ZZEF1: variants seen among roughly 807,000 people sequenced by gnomAD.
The protein encoded by ZZEF1 is zinc finger ZZ-type and EF-hand domain-containing protein 1.
A neutral mutation model predicts 342.8 loss-of-function variants in ZZEF1; 157 were observed. The ratio of observed to expected loss-of-function variants is 0.46; its 90% confidence interval spans 0.40 to 0.52. ZZEF1 has a LOEUF of 0.52. Ranked by LOEUF, ZZEF1 falls within the 20% of genes least tolerant of loss-of-function variation. The pLI, the probability that ZZEF1 is intolerant of heterozygous loss-of-function variation, is 0.00. For missense variants in ZZEF1, 3,480 were observed against 3,725.6 expected (o/e 0.93, Z 1.72); for synonymous variants, 1,505 against 1,429.1 (o/e 1.05, Z -1.20).
At chr17:4,019,881 T>C in intron 45 of ZZEF1, 112 bp from the exon 46 acceptor site, 1 of 741,196 alleles carries the variant, frequency 1.3e-6, no homozygotes, top group East Asian at 2.9e-5. Context: ...CCACAGGTTA[T>C]AATTGAGGAA....
chr17:4,060,087 C>T (rs1004826572), intron 30 of ZZEF1, among the ~76,000 whole-genome samples: 5 of 152,260 alleles, frequency 3.3e-5, no homozygotes, highest in Non-Finnish European at 7.3e-5. Context: ...GTGTCCCTTC[C>T]TTCCTCCATG....
At position 4,044,219 on chromosome 17, in the gene ZZEF1, T is replaced by C. The variant is rs1467000212; in HGVS notation, c.6166+5A>G. On this transcript the variant is annotated splice_donor_5th_base_variant and intron_variant, in intron 38 of 54. Coordinates refer to ENST00000381638, the MANE Select transcript of ZZEF1 (RefSeq NM_015113.4). ...AGATGAAGATAATGGTCAAATAGTC[T>C]TTACCTGGAAGTCCTGTAGGTGGGC... 1 of 1,613,344 alleles carries C rather than the reference T, an allele frequency of 6.2e-7. No homozygotes were observed. The highest frequency in any genetic ancestry group is 8.5e-7 in the Non-Finnish European group (1 of 1,179,726).
intron 24 of ZZEF1, among the ~76,000 whole-genome samples, chr17:4,073,359 T>C (rs1474997763): frequency 1.3e-5 from 2 of 152,222 alleles, no homozygotes; most frequent in African/African-American, 4.8e-5. Context: ...AGAAATAAAA[T>C]ACAGTAGAAA....
At chr17:4,029,253 C>T in intron 42 of ZZEF1, among the ~76,000 whole-genome samples, 1 of 151,990 alleles carries the variant, frequency 6.6e-6, no homozygotes, top group East Asian at 1.9e-4. Context: ...TAGGACTGAA[C>T]TAATTAAAAA....
intron 39 of ZZEF1, among the ~76,000 whole-genome samples, chr17:4,034,995 T>A (rs893887839): frequency 1.3e-5 from 2 of 152,194 alleles, no homozygotes; most frequent in Non-Finnish European, 2.9e-5. Context: ...TGAGACTCCG[T>A]CTCAAAAAAC....
intron 18 of ZZEF1, among the ~76,000 whole-genome samples, chr17:4,078,598 G>A (rs1331927879): frequency 6.6e-6 from 1 of 152,222 alleles, no homozygotes; most frequent in African/African-American, 2.4e-5. Context: ...TCGGGATGAT[G>A]GTTACGCCTG....
In ZZEF1 at chr17:4,084,048, A is replaced by G. The variant is rs116739130; in HGVS notation, c.2647-1544T>C. Among the ~76,000 whole-genome samples, 903 of 152,326 alleles carry G rather than the reference A, an allele frequency of 5.9e-3. 10 individuals carry two copies. The highest frequency in any genetic ancestry group is 0.02 in the African/African-American group (838 of 41,572). On this transcript the variant is annotated intron_variant, in intron 16 of 54. Coordinates refer to ENST00000381638, the MANE Select transcript of ZZEF1 (RefSeq NM_015113.4). Reference sequence around the variant, plus strand: ...TTAACACTTCTTTCCCTTGTCCTACAGCACTAGCTAGGCCCTCCAATGCAA... The same window carrying G: ...TTAACACTTCTTTCCCTTGTCCTACGGCACTAGCTAGGCCCTCCAATGCAA...
chr17:4,086,798 A>C, intron 14 of ZZEF1, 143 bp from the exon 15 acceptor site: 2 of 735,826 alleles, frequency 2.7e-6, no homozygotes, highest in Non-Finnish European at 4.4e-6. Flanking sequence ...GAGAGGAAGA[A>C]GGGTGGACCA....
intron 1 of ZZEF1, among the ~76,000 whole-genome samples, chr17:4,130,092 C>T (rs2058639605): frequency 6.6e-6 from 1 of 152,114 alleles, no homozygotes; most frequent in South Asian, 2.1e-4. Flanking sequence ...GTACAACCAA[C>T]CCCCATGAGA....
intron 26 of ZZEF1, among the ~76,000 whole-genome samples, chr17:4,068,130 A>C (rs528101770): frequency 1.2e-3 from 187 of 152,322 alleles, no homozygotes; most frequent in African/African-American, 4.4e-3. Flanking sequence ...ATATATACAA[A>C]TATACATACA....
chr17:4,075,700 C>G (rs2057598683), intron 21 of ZZEF1, among the ~76,000 whole-genome samples: 1 of 152,182 alleles, frequency 6.6e-6, no homozygotes, highest in African/African-American at 2.4e-5. Context: ...ACTTACAAAT[C>G]ATTACCAGTG....
At position 4,056,316 on chromosome 17, in the gene ZZEF1, T is replaced by C; in HGVS notation, c.5195A>G (p.Asp1732Gly). The C allele has an allele frequency of 1.2e-6, 2 of 1,600,012 alleles. No homozygotes were observed. Among genetic ancestry groups the C allele is most frequent in the East Asian group, 2.3e-5 (1 of 44,440 alleles). The change falls in exon 33 of 55, where the codon GAT becomes GGT. Residue 1732 changes from aspartate to glycine, a missense_variant. Transcript: ENST00000381638. ...SQWSEEDELA[D>G]AKQNSEWMDE... is the part of the protein sequence containing the mutation. Reference sequence around the variant, plus strand: ...CATCCATTCTGAATTCTGCTTGGCATCAGCAAGCTCATCTTCTTCACTCCA... The same window carrying C: ...CATCCATTCTGAATTCTGCTTGGCACCAGCAAGCTCATCTTCTTCACTCCA...
At chr17:4,092,076 C>CA (rs764233105) in intron 11 of ZZEF1, among the ~76,000 whole-genome samples, 113 of 29,688 alleles carry the variant, frequency 3.8e-3, no homozygotes, top group Middle Eastern at 0.013. Context: ...AACTCCACCT[C>CA]AAAAAAAAAA....
At chr17:4,121,307 A>G (rs1046852889) in intron 2 of ZZEF1, among the ~76,000 whole-genome samples, 6 of 152,186 alleles carry the variant, frequency 3.9e-5, no homozygotes, top group African/African-American at 1.4e-4. Flanking sequence ...AGTAGTATGT[A>G]AACGCTAAGA....
At chr17:4,094,919 CACA>C (rs1337245032) in intron 11 of ZZEF1, among the ~76,000 whole-genome samples, 3 of 152,200 alleles carry the variant, frequency 2.0e-5, no homozygotes, top group African/African-American at 7.2e-5. Context: ...CCATACTACA[CACA>C]ACATGATCCT....
chr17:4,103,079 C>T (rs2058153293), intron 8 of ZZEF1, among the ~76,000 whole-genome samples: 1 of 152,108 alleles, frequency 6.6e-6, no homozygotes, highest in East Asian at 1.9e-4. Flanking sequence ...TTCTATTCAG[C>T]TTCCAGACAC....
At chr17:4,027,354 G>A (rs990772814) in intron 42 of ZZEF1, among the ~76,000 whole-genome samples, 1 of 135,966 alleles carries the variant, frequency 7.4e-6, no homozygotes, top group African/African-American at 2.9e-5. Flanking sequence ...GAGTGCAATG[G>A]CACAATCTTG....
chr17:4,006,840 C>T lies in ZZEF1; in HGVS notation c.*50G>A. ...TCCTGAATGAGGTTAGATGTCTGCT[C>T]TAAAATCCCTGTGGCAGATGAACTA... is the stretch of plus-strand genomic sequence containing the variant. On this transcript the variant is annotated 3_prime_UTR_variant, in exon 55 of 55. Transcript: ENST00000381638. 2 of 1,544,520 alleles carry T rather than the reference C, an allele frequency of 1.3e-6. No individual in the cohort carries two copies. Among genetic ancestry groups the T allele is most frequent in the South Asian group, 1.2e-5 (1 of 84,058 alleles).
Position 4,058,172 on chromosome 17 carries a change from G to A in ZZEF1, c.5004-17C>T, listed in dbSNP as rs773507829. 1.1e-5 allele frequency: 17 copies of A among 1,605,374 alleles called. No individual in the cohort carries two copies. The highest frequency in any genetic ancestry group is 1.4e-5 in the Non-Finnish European group (16 of 1,175,702). ...AGCAAGGACCTAAAGGGCCATGAAA[G>A]TGACCATTAGCAGAGCTGCTTACTC... On this transcript the variant is annotated splice_polypyrimidine_tract_variant and intron_variant, in intron 31 of 54. Transcript: ENST00000381638.
Sources: gnomAD v4.1 joint callset for allele counts (sites outside exome capture counted in the v4.1 genomes callset) on GRCh38, gnomAD v4.1.1 for gene constraint, MANE v1.5 for transcripts, NCBI Gene and HGNC (gene_info 2026-07-23, HGNC 2026-07-21) for gene names.